Variants in ZNF33A observed in about 807,000 individuals in gnomAD.
ZNF33A encodes the protein brain my041 protein.
Under a neutral mutation model 15.9 loss-of-function variants are expected in ZNF33A, and 9 were observed. That is an observed-to-expected ratio of 0.57 (90% CI 0.34 to 0.99). The LOEUF is 0.99. Among genes scored for constraint, ZNF33A ranks in the 50% least tolerant of loss-of-function variants. ZNF33A has a pLI of 0.02. For synonymous variants in ZNF33A, 294 were observed against 324.2 expected (o/e 0.91, Z 1.00); for missense variants, 843 against 941.6 (o/e 0.90, Z 1.37).
intron 4 of ZNF33A, among the ~76,000 whole-genome samples, chr10:38,050,796 T>C (rs1341494956): frequency 6.6e-6 from 1 of 152,236 alleles, no homozygotes; most frequent in Non-Finnish European, 1.5e-5. Flanking sequence ...GGCTGAATAC[T>C]GGGGCAGTAA....
chr10:38,027,395 C>T (rs1036442964), intron 4 of ZNF33A, among the ~76,000 whole-genome samples: 1 of 151,826 alleles, frequency 6.6e-6, no homozygotes. Flanking sequence ...TCACTCTTGC[C>T]CAGGCTGTAG....
chr10:38,062,286 A>G (rs1444406294), downstream of ZNF33A, among the ~76,000 whole-genome samples: 1 of 151,994 alleles, frequency 6.6e-6, no homozygotes, highest in East Asian at 1.9e-4. Flanking sequence ...GTAAATTTCT[A>G]TTGTTTATAA....
intron 4 of ZNF33A, among the ~76,000 whole-genome samples, chr10:38,038,530 G>T (rs2065552401): frequency 6.6e-6 from 1 of 152,186 alleles, no homozygotes; most frequent in Non-Finnish European, 1.5e-5. Context: ...CTATATGCAT[G>T]AGTAGTCAAC....
chr10:38,060,449 G>T (rs1449213947), downstream of ZNF33A, among the ~76,000 whole-genome samples: 1 of 152,158 alleles, frequency 6.6e-6, no homozygotes, highest in Non-Finnish European at 1.5e-5. Flanking sequence ...ACTGTACTCT[G>T]GATAATACAG....
Position 38,055,998 on chromosome 10 carries a change from C to T in ZNF33A, c.1874C>T (p.Thr625Ile), listed in dbSNP as rs775147383. Residue 625 changes from threonine to isoleucine, a missense_variant, in exon 5 of 5, where the codon ACT (threonine) becomes ATT (isoleucine). Coordinates refer to ENST00000432900, the MANE Select transcript of ZNF33A (RefSeq NM_006954.2). ...GKAFYQKSQL[T>I]QHQRIHIGEK... is the part of the protein sequence containing the mutation. The stretch of plus-strand genomic sequence containing the variant: ...GCCTTCTACCAGAAGTCACAACTCA[C>T]TCAGCATCAGAGAATTCACATAGGG... The T allele has an allele frequency of 2.5e-6, 4 of 1,613,890 alleles. No homozygotes were observed. The highest frequency in any genetic ancestry group is 2.2e-5 in the South Asian group (2 of 91,072).
Position 38,054,484 on chromosome 10 carries a change from T to A in ZNF33A, c.360T>A (p.Asp120Glu). The A allele has an allele frequency of 6.2e-7, 1 of 1,612,580 alleles. No individual in the cohort carries two copies. Among genetic ancestry groups the A allele is most frequent in the African/African-American group, 1.3e-5 (1 of 74,984 alleles). Reference protein sequence around the residue: ...NNEMLTKEQGDVIGIPFNVDV... With the variant: ...NNEMLTKEQGEVIGIPFNVDV... ...AAATGCTGACTAAGGAACAAGGTGA[T>A]GTAATAGGAATACCATTTAATGTGG... The change falls in exon 5 of 5, where the codon GAT (aspartate) becomes GAA (glutamate). Residue 120 changes from aspartate to glutamate, a missense_variant. Physicochemically the swap from Asp to Glu is conservative, Grantham distance 45 (BLOSUM62 2). Transcript: ENST00000432900.
intron 4 of ZNF33A, among the ~76,000 whole-genome samples, chr10:38,038,012 A>G (rs1461243130): frequency 6.6e-6 from 1 of 152,148 alleles, no homozygotes; most frequent in Non-Finnish European, 1.5e-5. Flanking sequence ...CCATTTATTT[A>G]GGCTGTCTTT....
At position 38,017,239 on chromosome 10, in the gene ZNF33A, G is replaced by T. The variant is rs1478143221; in HGVS notation, c.155-52G>T. ...CCAGAAGCTTCTTCCTGCTTCAAAG[G>T]CCTGAAGTCTAGACTGCTTGGTCCA... On this transcript the variant is annotated intron_variant, in intron 3 of 4. Transcript: ENST00000432900. 22 of 1,544,692 alleles carry T rather than the reference G, an allele frequency of 1.4e-5. No individual in the cohort carries two copies. The Middle Eastern group carries it at 5.2e-4, about 36-fold the overall frequency.
At chr10:38,015,692 T>A (rs2064420488) in intron 2 of ZNF33A, among the ~76,000 whole-genome samples, 1 of 152,152 alleles carries the variant, frequency 6.6e-6, no homozygotes, top group African/African-American at 2.4e-5. Flanking sequence ...AGCCCTAACT[T>A]TCCTGGTTTA....
intron 4 of ZNF33A, among the ~76,000 whole-genome samples, chr10:38,052,289 T>A (rs986251015): frequency 2.6e-5 from 4 of 152,066 alleles, no homozygotes; most frequent in Non-Finnish European, 5.9e-5. Flanking sequence ...AGGAGAAAAA[T>A]ATGTAAAAAT....
At chr10:38,031,529 C>T (rs2065206761) in intron 4 of ZNF33A, among the ~76,000 whole-genome samples, 1 of 142,814 alleles carries the variant, frequency 7.0e-6, no homozygotes, top group Non-Finnish European at 1.5e-5. Flanking sequence ...GTGATGGCAC[C>T]ATTCGACTCC....
intron 4 of ZNF33A, among the ~76,000 whole-genome samples, chr10:38,018,152 C>CTATATG (rs889543044): frequency 2.6e-5 from 4 of 151,962 alleles, no homozygotes; most frequent in African/African-American, 9.7e-5. Flanking sequence ...TTATGTATAC[C>CTATATG]TATATGTATA....
At chr10:38,046,101 T>C (rs2065936917) in intron 4 of ZNF33A, among the ~76,000 whole-genome samples, 1 of 151,938 alleles carries the variant, frequency 6.6e-6, no homozygotes, top group Non-Finnish European at 1.5e-5. Context: ...TTAATTGGGG[T>C]GGTGGAGGAA....
chr10:38,011,748 A>G (rs761341518), intron 1 of ZNF33A, among the ~76,000 whole-genome samples: 7 of 152,176 alleles, frequency 4.6e-5, no homozygotes, highest in Admixed American at 6.5e-5. Flanking sequence ...TTTTCCACAC[A>G]CATCAAAGCA....
chr10:38,017,614 C>T (rs2064520966), intron 4 of ZNF33A: 4 of 312,978 alleles, frequency 1.3e-5, no homozygotes, highest in Non-Finnish European at 2.3e-5. Context: ...CTTACACCTG[C>T]CAATAGTTCA....
intron 2 of ZNF33A, among the ~76,000 whole-genome samples, chr10:38,014,700 C>T (rs902199079): frequency 7.2e-5 from 11 of 152,110 alleles, no homozygotes; most frequent in Non-Finnish European, 1.5e-4. Flanking sequence ...GTTGGTTGTG[C>T]CAGTACCACA....
Position 38,039,841 on chromosome 10 carries a change from C to G in ZNF33A, c.251-14534C>G, listed in dbSNP as rs75928065. Among the ~76,000 whole-genome samples, 1,322 of 151,674 alleles carry G rather than the reference C, an allele frequency of 8.7e-3. 7 individuals carry two copies. The highest frequency in any genetic ancestry group is 0.014 in the Non-Finnish European group (983 of 67,914). ...TTTGTTGATCTTTTCCAGGAATCAG[C>G]TATTGTTTTTCTGTTCTCTAGTTCA... On this transcript the variant is annotated intron_variant, in intron 4 of 4. Coordinates refer to ENST00000432900, the MANE Select transcript of ZNF33A (RefSeq NM_006954.2).
At chr10:38,023,800 A>G (rs1305033467) in intron 4 of ZNF33A, among the ~76,000 whole-genome samples, 1 of 152,214 alleles carries the variant, frequency 6.6e-6, no homozygotes, top group East Asian at 1.9e-4. Flanking sequence ...CACGTAGAGA[A>G]GAAATAAAAC....
At chr10:38,040,251 T>G (rs182385928) in intron 4 of ZNF33A, among the ~76,000 whole-genome samples, 37 of 152,288 alleles carry the variant, frequency 2.4e-4, no homozygotes, top group Non-Finnish European at 4.7e-4. Flanking sequence ...TCATGTGTAC[T>G]TTTGAAGCAT....
Sources: gnomAD v4.1 joint callset for allele counts (sites outside exome capture counted in the v4.1 genomes callset) on GRCh38, gnomAD v4.1.1 for gene constraint, MANE v1.5 for transcripts, NCBI Gene and HGNC (gene_info 2026-07-23, HGNC 2026-07-21) for gene names.